The following NRDC variants were observed in gnomAD, a reference collection of about 807,000 sequenced individuals.
NRDC encodes the protein nardilysin convertase, also known as nardilysin.
Under a neutral mutation model 147.1 loss-of-function variants are expected in NRDC, and 54 were observed. The ratio of observed to expected loss-of-function variants is 0.37; its 90% CI spans 0.29 to 0.46. The LOEUF (loss-of-function observed/expected upper bound fraction) is 0.46, where lower values mean the gene tolerates loss of function less well. NRDC is among the 20% of genes least tolerant of loss of function. The probability of loss-of-function intolerance (pLI) is 1.00; values close to 1 mark genes in which losing one functional copy is unlikely to be tolerated. For missense variants in NRDC, 1,082 were observed against 1,370.6 expected, an observed-to-expected ratio of 0.79 and a Z score of 3.33; for synonymous variants, 440 against 482.1, an observed-to-expected ratio of 0.91 and a Z score of 1.14.
At chr1:51,814,392 T>A in intron 13 of NRDC, 159 bp downstream of exon 13, 1 of 649,394 alleles carries the variant, frequency 1.5e-6, no homozygotes, top group East Asian at 2.7e-5. Context: ...TAGTATACAA[T>A]CACATGTAGA....
At chr1:51,811,591 CA>C (rs1009061939) in intron 15 of NRDC, among the ~76,000 whole-genome samples, 4 of 152,274 alleles carry the variant, frequency 2.6e-5, no homozygotes, top group East Asian at 3.9e-4. Context: ...GGGAACCTTA[CA>C]TTTTTTTAAT....
chr1:51,803,678 G>A (rs1026416270), intron 20 of NRDC, 136 bp downstream of exon 20: 12 of 633,002 alleles, frequency 1.9e-5, no homozygotes, highest in South Asian at 1.6e-4. Flanking sequence ...TAGAATAGCT[G>A]TCATCAGCCA....
At chr1:51,812,961 CA>C (rs5774107) in intron 14 of NRDC, among the ~76,000 whole-genome samples, 27,238 of 71,222 alleles carry the variant, frequency 0.38, 2,594 homozygotes, top group African/African-American at 0.48. Flanking sequence ...GACTCTGTCT[CA>C]AAAAAAAAAA....
At chr1:51,794,421 CT>C (rs1557896440) in intron 24 of NRDC, 50 bp downstream of exon 24, 1 of 1,591,024 alleles carries the variant, frequency 6.3e-7, no homozygotes. Flanking sequence ...CACGGGGTCC[CT>C]GATCCCCAGG....
At chr1:51,849,873 C>G (rs1011239442) in intron 1 of NRDC, among the ~76,000 whole-genome samples, 11 of 151,092 alleles carry the variant, frequency 7.3e-5, no homozygotes, top group Admixed American at 2.0e-4. Context: ...AACTGCCTTA[C>G]CAGGTATAAA....
chr1:51,829,617 T>C (rs1188741384), intron 4 of NRDC, among the ~76,000 whole-genome samples: 1 of 152,226 alleles, frequency 6.6e-6, no homozygotes, highest in African/African-American at 2.4e-5. Flanking sequence ...AACTGTTGTC[T>C]CTACTTCAAT....
chr1:51,791,775 T>A, intron 26 of NRDC, 114 bp from the exon 27 acceptor site: 1 of 875,416 alleles, frequency 1.1e-6, no homozygotes, highest in South Asian at 1.6e-5. Context: ...GAACTGGAAG[T>A]CCTGAAACAG....
chr1:51,792,024 G>T, intron 26 of NRDC, 22 bp downstream of exon 26: 2 of 1,613,904 alleles, frequency 1.2e-6, no homozygotes, highest in Non-Finnish European at 1.7e-6. Context: ...TTTGAGCTCA[G>T]TGGCCCTGCC....
At chr1:51,872,926 T>C (rs1683150606) in intron 1 of NRDC, among the ~76,000 whole-genome samples, 1 of 152,202 alleles carries the variant, frequency 6.6e-6, no homozygotes, top group Non-Finnish European at 1.5e-5. Context: ...ATTCACTTGT[T>C]CATTTGTTAT....
intron 1 of NRDC, among the ~76,000 whole-genome samples, chr1:51,855,872 C>CA (rs1007386201): frequency 5.1e-4 from 75 of 148,096 alleles, no homozygotes; most frequent in South Asian, 4.0e-3. Flanking sequence ...GACTCTGTGT[C>CA]AAAAAAAAAT....
chr1:51,798,098 G>T, intron 22 of NRDC, 151 bp downstream of exon 22: 1 of 665,618 alleles, frequency 1.5e-6, no homozygotes, highest in Middle Eastern at 4.3e-4. Flanking sequence ...GAAGAAAGCT[G>T]CCCAGCATCA....
chr1:51,803,814 A>T lies in NRDC; in HGVS notation c.2313T>A (p.Pro771=), dbSNP rs770379682. 3.7e-6 allele frequency: 6 copies of T among 1,611,208 alleles called. No individual in the cohort carries two copies. Among genetic ancestry groups the T allele is most frequent in the Non-Finnish European group, 5.1e-6 (6 of 1,178,616 alleles). ...AGGAAAACAGAGTACTTGTACTTAC[A>T]GGTAGTTTGTGGTTAAATCCTTTCA... ...IRVKGFNHKL[P]LLFQLIIDYL... The change falls in exon 20 of 31, where the codon CCT becomes CCA. Residue 771 remains proline, a splice_region_variant and synonymous_variant. Coordinates refer to ENST00000352171, the MANE Select transcript of NRDC (RefSeq NM_001101662.2).
Position 51,789,216 on chromosome 1 carries a change from C to T in NRDC, c.*20G>A. 1 of 1,606,124 alleles carries T rather than the reference C, an allele frequency of 6.2e-7. No homozygotes were observed. Among genetic ancestry groups the T allele is most frequent in the Non-Finnish European group, 8.5e-7 (1 of 1,172,976 alleles). Reference sequence around the variant, plus strand: ...ATTTTAAAATACACATTGCTTCAGGCCAACGTGACTGCAGTTTATTTATTT... The same window carrying T: ...ATTTTAAAATACACATTGCTTCAGGTCAACGTGACTGCAGTTTATTTATTT... On this transcript the variant is annotated 3_prime_UTR_variant, in exon 31 of 31. Coordinates refer to ENST00000352171, the MANE Select transcript of NRDC (RefSeq NM_001101662.2).
At position 51,810,422 on chromosome 1, in the gene NRDC, G is replaced by C. The variant is rs967589763; in HGVS notation, c.1780-18C>G. The C allele has an allele frequency of 1.7e-5, 27 of 1,604,956 alleles. No individual in the cohort carries two copies. The highest frequency in any genetic ancestry group is 7.9e-5 in the South Asian group (7 of 89,048). ...CCAATGACCTAGTAAAGTGGGAAGA[G>C]GGGAAAGAGATACACACAATTTTAA... On this transcript the variant is annotated intron_variant, in intron 15 of 30. Transcript: ENST00000352171.
chr1:51,823,059 G>A (rs1680276756), intron 7 of NRDC, among the ~76,000 whole-genome samples: 1 of 152,114 alleles, frequency 6.6e-6, no homozygotes, highest in South Asian at 2.1e-4. Flanking sequence ...GAAAACAAAA[G>A]AAAGCTTCCA....
intron 1 of NRDC, among the ~76,000 whole-genome samples, chr1:51,845,969 AG>A (rs1454798868): frequency 7.9e-5 from 12 of 152,160 alleles, no homozygotes; most frequent in African/African-American, 2.9e-4. Context: ...TAAAAAAAAA[AG>A]AAAGCTATGT....
chr1:51,809,755 A>G (rs1300214313), intron 16 of NRDC, among the ~76,000 whole-genome samples: 6 of 152,148 alleles, frequency 3.9e-5, no homozygotes, highest in Admixed American at 3.9e-4. Context: ...ATACAAAATT[A>G]GCCGGGCATG....
rs1390102783 is a variant in NRDC, at chr1:51,805,560, T to A, written c.2112A>T (p.Ala704=). 2 of 1,573,896 alleles carry A rather than the reference T, an allele frequency of 1.3e-6. No homozygotes were observed. The highest frequency in any genetic ancestry group is 2.8e-5 in the African/African-American group (2 of 72,314). The stretch of plus-strand genomic sequence containing the variant: ...GTGAAATTAGATGGAAACGTATATA[T>A]GCTAAAAGAAAAAAGACCATAGATA... ...KKDNKFKIPK[A]YIRFHLISPL... The change falls in exon 19 of 31, where the codon GCA becomes GCT. Residue 704 remains alanine, a splice_region_variant and synonymous_variant. Coordinates refer to ENST00000352171, the MANE Select transcript of NRDC (RefSeq NM_001101662.2).
intron 11 of NRDC, among the ~76,000 whole-genome samples, chr1:51,815,139 T>C (rs550254845): frequency 1.6e-4 from 25 of 151,638 alleles, no homozygotes; most frequent in Non-Finnish European, 3.2e-4. Flanking sequence ...GCACAAAATA[T>C]TCAAATGATG....
Sources: gnomAD v4.1 joint callset for allele counts (sites outside exome capture counted in the v4.1 genomes callset) on GRCh38, gnomAD v4.1.1 for gene constraint, MANE v1.5 for transcripts, NCBI Gene and HGNC (gene_info 2026-07-23, HGNC 2026-07-21) for gene names.